The following FAM110B variants were observed in gnomAD, a reference collection of about 807,000 sequenced individuals.
The protein encoded by FAM110B is family with sequence similarity 110 member B, also known as protein FAM110B.
In FAM110B, 6 loss-of-function variants were observed where a neutral mutation model predicts 20.4. The ratio of observed to expected loss-of-function variants is 0.29; its 90% CI spans 0.16 to 0.58. The LOEUF (loss-of-function observed/expected upper bound fraction) is 0.58. Ranked by LOEUF, FAM110B falls within the 20% of genes least tolerant of loss-of-function variation. FAM110B has a pLI of 0.90. For missense variants in FAM110B, 434 were observed against 498.2 expected (o/e 0.87, Z 1.23); for synonymous variants, 226 against 214.1 (o/e 1.06, Z -0.49).
chr8:58,109,774 A>G (rs997490271), intron 3 of FAM110B, among the ~76,000 whole-genome samples: 1 of 152,244 alleles, frequency 6.6e-6, no homozygotes, highest in Non-Finnish European at 1.5e-5. Flanking sequence ...TAGGGTGGCC[A>G]GAGCCATCAG....
chr8:58,018,341 A>G (rs982677079), intron 1 of FAM110B, among the ~76,000 whole-genome samples: 2 of 152,138 alleles, frequency 1.3e-5, no homozygotes, highest in African/African-American at 2.4e-5. Flanking sequence ...TCATTATGTA[A>G]TGCCTTTTCC....
chr8:58,071,808 C>T (rs189708099), intron 2 of FAM110B, among the ~76,000 whole-genome samples: 3 of 152,146 alleles, frequency 2.0e-5, no homozygotes, highest in South Asian at 4.1e-4. Context: ...GTGACTTGAA[C>T]CAGCTGGCGG....
chr8:58,088,844 C>A (rs568533593), intron 3 of FAM110B, among the ~76,000 whole-genome samples: 7 of 152,310 alleles, frequency 4.6e-5, no homozygotes, highest in East Asian at 1.9e-4. Flanking sequence ...AACATGTACA[C>A]CAACTTGCTG....
chr8:58,045,221 G>GTCA, intron 2 of FAM110B, among the ~76,000 whole-genome samples: 1 of 152,162 alleles, frequency 6.6e-6, no homozygotes, highest in Admixed American at 6.5e-5. Context: ...TCACAGCAGT[G>GTCA]CTGTGTGCAT....
At chr8:58,026,586 G>T (rs895668484) in intron 1 of FAM110B, among the ~76,000 whole-genome samples, 1 of 151,954 alleles carries the variant, frequency 6.6e-6, no homozygotes, top group African/African-American at 2.4e-5. Flanking sequence ...TCAATTTCTT[G>T]GTGTGTGAAA....
At chr8:57,995,562 C>A (rs900636405) in intron 1 of FAM110B, among the ~76,000 whole-genome samples, 2 of 152,174 alleles carry the variant, frequency 1.3e-5, no homozygotes, top group Non-Finnish European at 2.9e-5. Flanking sequence ...TGCTGCCCAG[C>A]CTGGTGCCCT....
At chr8:58,022,046 G>C (rs1396447453) in intron 1 of FAM110B, among the ~76,000 whole-genome samples, 1 of 152,186 alleles carries the variant, frequency 6.6e-6, no homozygotes, top group Non-Finnish European at 1.5e-5. Flanking sequence ...GCATTCTGGG[G>C]TGCTGTTGGT....
rs1803907284 is a variant in FAM110B at position 58,148,038 on chromosome 8, T to A, written c.*695T>A. Reference sequence around the variant, plus strand: ...ATGGTTAAATCTAGGAGGTTGGGTGTTTGGGGGTTTTGTTGATGTTGTTCT... The same window carrying A: ...ATGGTTAAATCTAGGAGGTTGGGTGATTGGGGGTTTTGTTGATGTTGTTCT... On this transcript the variant is annotated 3_prime_UTR_variant, in exon 4 of 4. Transcript: ENST00000519262. The A allele has an allele frequency of 6.0e-6, 1 of 166,980 alleles. No individual in the cohort carries two copies. Among genetic ancestry groups the A allele is most frequent in the South Asian group, 2.1e-4 (1 of 4,828 alleles). The allele number at this position is 166,980 out of a possible 1,614,324, so 10.3% of individuals were successfully genotyped here.
At chr8:58,116,930 G>A (rs1272247059) in intron 3 of FAM110B, among the ~76,000 whole-genome samples, 7 of 152,136 alleles carry the variant, frequency 4.6e-5, no homozygotes, top group African/African-American at 9.7e-5. Flanking sequence ...GCTTCTTAAC[G>A]CGATGCACAC....
At chr8:58,095,210 T>G (rs1806592714) in intron 3 of FAM110B, among the ~76,000 whole-genome samples, 1 of 152,152 alleles carries the variant, frequency 6.6e-6, no homozygotes, top group East Asian at 1.9e-4. Context: ...ATTTACTGAT[T>G]TTTTTGGAAG....
intron 3 of FAM110B, among the ~76,000 whole-genome samples, chr8:58,121,627 G>A (rs993410749): frequency 6.6e-6 from 1 of 152,110 alleles, no homozygotes; most frequent in Non-Finnish European, 1.5e-5. Context: ...ATTCTGCATA[G>A]TATCCTTTAA....
At position 58,023,860 on chromosome 8, in the gene FAM110B, A is replaced by G. The variant is rs1051035308; in HGVS notation, c.-511-7746A>G. Among the ~76,000 whole-genome samples the G allele has an allele frequency of 5.3e-5, 8 of 152,326 alleles. No individual in the cohort carries two copies. In the East Asian group the frequency reaches 5.8e-4, roughly 11 times the overall value. On this transcript the variant is annotated intron_variant, in intron 1 of 3. Coordinates refer to ENST00000519262, the MANE Select transcript of FAM110B (RefSeq NM_001377989.1). The stretch of plus-strand genomic sequence containing the variant: ...TTTGTATACTAAGCCGTGTCTGAGT[A>G]CCATTTTTAGGAGTGTTAAAAATGA...
chr8:58,048,639 C>G (rs1805377526), intron 2 of FAM110B, among the ~76,000 whole-genome samples: 1 of 152,184 alleles, frequency 6.6e-6, no homozygotes, highest in Non-Finnish European at 1.5e-5. Flanking sequence ...AAAATGTTCA[C>G]ATGTTTATTA....
chr8:58,042,141 T>C (rs890327766), intron 2 of FAM110B, among the ~76,000 whole-genome samples: 6 of 152,278 alleles, frequency 3.9e-5, no homozygotes, highest in African/African-American at 4.8e-5. Flanking sequence ...AGTACTGTTA[T>C]TGGACTGAAA....
intron 3 of FAM110B, among the ~76,000 whole-genome samples, chr8:58,104,721 A>T (rs1486625411): frequency 1.3e-5 from 2 of 152,180 alleles, no homozygotes; most frequent in Non-Finnish European, 2.9e-5. Context: ...GTTTTTATAT[A>T]TGAATACAAC....
At chr8:57,998,090 C>T (rs1208382116) in intron 1 of FAM110B, among the ~76,000 whole-genome samples, 1 of 152,208 alleles carries the variant, frequency 6.6e-6, no homozygotes, top group Non-Finnish European at 1.5e-5. Flanking sequence ...TTCTCTATAA[C>T]TCATTGACAT....
chr8:58,137,597 G>C (rs1803650295), intron 3 of FAM110B, among the ~76,000 whole-genome samples: 1 of 151,990 alleles, frequency 6.6e-6, no homozygotes, highest in Admixed American at 6.5e-5. Flanking sequence ...AACAATTTCT[G>C]GGCTGAGCTC....
chr8:58,067,670 A>G (rs1006939791), intron 2 of FAM110B, among the ~76,000 whole-genome samples: 2 of 152,232 alleles, frequency 1.3e-5, no homozygotes, highest in African/African-American at 4.8e-5. Flanking sequence ...GAGCATTCCC[A>G]CATTACAACA....
intron 3 of FAM110B, among the ~76,000 whole-genome samples, chr8:58,080,057 G>T (rs1341371401): frequency 6.6e-6 from 1 of 152,174 alleles, no homozygotes; most frequent in Non-Finnish European, 1.5e-5. Context: ...TCTTCAGTAT[G>T]TAGATATGGG....
Sources: allele counts gnomAD v4.1 joint callset (sites outside exome capture counted in the v4.1 genomes callset), GRCh38; gene constraint gnomAD v4.1.1; transcripts MANE v1.5; gene names NCBI Gene and HGNC (gene_info 2026-07-23, HGNC 2026-07-21).